The following TSHZ2 variants were observed in gnomAD, a reference collection of about 807,000 sequenced individuals.
TSHZ2 encodes the protein teashirt homolog 2.
TSHZ2 carries 21 observed loss-of-function variants against 74.4 expected under a neutral mutation model. That is an observed-to-expected ratio of 0.28 (90% CI 0.20 to 0.41). The LOEUF (loss-of-function observed/expected upper bound fraction) is 0.41. TSHZ2 is among the 10% of genes least tolerant of loss of function. The pLI is 1.00. For synonymous variants in TSHZ2, 540 were observed against 515.3 expected (o/e 1.05, Z -0.65); for missense variants, 1,244 against 1,293.5 (o/e 0.96, Z 0.59).
intron 1 of TSHZ2, among the ~76,000 whole-genome samples, chr20:53,167,496 G>A (rs773994986): frequency 6.6e-6 from 1 of 152,156 alleles, no homozygotes; most frequent in Non-Finnish European, 1.5e-5. Flanking sequence ...TCACCAAGCT[G>A]TGCTGAGATC....
intron 1 of TSHZ2, among the ~76,000 whole-genome samples, chr20:53,219,776 C>T (rs1989513405): frequency 6.6e-6 from 1 of 152,104 alleles, no homozygotes; most frequent in Admixed American, 6.5e-5. Context: ...TCAAGAAAAG[C>T]CAATAATCTG....
chr20:53,190,973 T>A (rs1225980694), intron 1 of TSHZ2, among the ~76,000 whole-genome samples: 1 of 152,230 alleles, frequency 6.6e-6, no homozygotes, highest in Non-Finnish European at 1.5e-5. Flanking sequence ...TATCACTATT[T>A]GCTTCTGCTA....
At chr20:53,209,037 T>TG (rs1375281756) in intron 1 of TSHZ2, among the ~76,000 whole-genome samples, 2 of 152,186 alleles carry the variant, frequency 1.3e-5, no homozygotes, top group Admixed American at 6.5e-5. Flanking sequence ...TCAGCTTCTT[T>TG]GCATGTGAAA....
intron 1 of TSHZ2, among the ~76,000 whole-genome samples, chr20:52,980,267 T>G (rs888530216): frequency 6.6e-6 from 1 of 152,166 alleles, no homozygotes; most frequent in African/African-American, 2.4e-5. Context: ...TCTTGGCAAA[T>G]GAGAAGCGGT....
chr20:53,239,228 C>A (rs1286102303), intron 1 of TSHZ2, among the ~76,000 whole-genome samples: 4 of 152,166 alleles, frequency 2.6e-5, no homozygotes. Flanking sequence ...GGAGCAAAAT[C>A]ACCCCAGATG....
intron 1 of TSHZ2, among the ~76,000 whole-genome samples, chr20:53,194,882 T>C (rs1477705638): frequency 6.6e-6 from 1 of 152,194 alleles, no homozygotes; most frequent in Non-Finnish European, 1.5e-5. Flanking sequence ...ACAGGCTAGT[T>C]CTGATTGTGA....
At chr20:53,239,807 A>T (rs1477572250) in intron 1 of TSHZ2, among the ~76,000 whole-genome samples, 1 of 152,232 alleles carries the variant, frequency 6.6e-6, no homozygotes, top group East Asian at 1.9e-4. Context: ...TACACCAAGG[A>T]ACGAAACAAT....
intron 1 of TSHZ2, among the ~76,000 whole-genome samples, chr20:53,075,714 T>C (rs1985344694): frequency 6.6e-6 from 1 of 152,206 alleles, no homozygotes; most frequent in South Asian, 2.1e-4. Flanking sequence ...CAGCCCAGGC[T>C]GCTAGGAGAC....
At chr20:53,267,699 G>C (rs775603317) in intron 2 of TSHZ2, among the ~76,000 whole-genome samples, 5 of 152,184 alleles carry the variant, frequency 3.3e-5, no homozygotes, top group Non-Finnish European at 7.3e-5. Flanking sequence ...GTCAAGGTCA[G>C]ATACTCACAA....
At chr20:53,228,017 G>C (rs1013768858) in intron 1 of TSHZ2, among the ~76,000 whole-genome samples, 3 of 119,310 alleles carry the variant, frequency 2.5e-5, no homozygotes, top group Admixed American at 2.5e-4. Context: ...ATTTCAAATG[G>C]TGTTTTTTTT....
intron 1 of TSHZ2, among the ~76,000 whole-genome samples, chr20:53,008,461 TGGG>T (rs1982725669): frequency 6.6e-6 from 1 of 152,094 alleles, no homozygotes; most frequent in Non-Finnish European, 1.5e-5. Flanking sequence ...CTTAAGAGCC[TGGG>T]TTAGGGTTCT....
chr20:53,111,173 T>C (rs1440936178), intron 1 of TSHZ2, among the ~76,000 whole-genome samples: 1 of 152,040 alleles, frequency 6.6e-6, no homozygotes, highest in East Asian at 1.9e-4. Context: ...TCCAAGAGGG[T>C]CAACTGAGCA....
At chr20:53,372,007 A>T (rs1418718184) in intron 2 of TSHZ2, among the ~76,000 whole-genome samples, 1 of 152,080 alleles carries the variant, frequency 6.6e-6, no homozygotes, top group Non-Finnish European at 1.5e-5. Flanking sequence ...TTGTGGCAGC[A>T]TCACTCAATA....
chr20:53,143,565 A>G (rs1213029572), intron 1 of TSHZ2, among the ~76,000 whole-genome samples: 2 of 152,018 alleles, frequency 1.3e-5, no homozygotes, highest in Non-Finnish European at 2.9e-5. Flanking sequence ...GGTGGCGGGC[A>G]CCTGTAGTCC....
At chr20:53,439,458 G>C (rs1250174928) in intron 2 of TSHZ2, among the ~76,000 whole-genome samples, 1 of 152,210 alleles carries the variant, frequency 6.6e-6, no homozygotes, top group East Asian at 1.9e-4. Flanking sequence ...AAATTGGGCA[G>C]GATTTCTGGC....
At chr20:53,204,463 G>T (rs886142176) in intron 1 of TSHZ2, among the ~76,000 whole-genome samples, 1 of 150,220 alleles carries the variant, frequency 6.7e-6, no homozygotes, top group South Asian at 2.1e-4. Context: ...GACATACTAG[G>T]TTAAATAAGA....
At chr20:53,209,514 C>T (rs1246987184) in intron 1 of TSHZ2, among the ~76,000 whole-genome samples, 4 of 152,188 alleles carry the variant, frequency 2.6e-5, no homozygotes, top group African/African-American at 4.8e-5. Flanking sequence ...GGCATTTAAA[C>T]GCCCATCATT....
At chr20:53,246,260 C>T (rs1990201384) in intron 1 of TSHZ2, among the ~76,000 whole-genome samples, 1 of 152,040 alleles carries the variant, frequency 6.6e-6, no homozygotes, top group South Asian at 2.1e-4. Flanking sequence ...CCAGGCTGGT[C>T]TCAAACTCCT....
intron 1 of TSHZ2, among the ~76,000 whole-genome samples, chr20:53,001,071 A>C (rs955008400): frequency 3.9e-5 from 6 of 152,178 alleles, no homozygotes; most frequent in African/African-American, 1.2e-4. Context: ...TTTAAGACAC[A>C]GATAGCAGAG....
Sources: gnomAD v4.1 joint callset for allele counts (sites outside exome capture counted in the v4.1 genomes callset) on GRCh38, gnomAD v4.1.1 for gene constraint, MANE v1.5 for transcripts, NCBI Gene and HGNC (gene_info 2026-07-23, HGNC 2026-07-21) for gene names.